Variants in CRIM1 observed in about 807,000 individuals in gnomAD.
CRIM1 encodes the protein cysteine-rich motor neuron 1 protein.
A neutral mutation model predicts 116.4 loss-of-function variants in CRIM1; 32 were observed. The ratio of observed to expected loss-of-function variants is 0.27; its 90% CI spans 0.21 to 0.37. The LOEUF is 0.37. Ranked by LOEUF, CRIM1 falls within the 10% of genes least tolerant of loss-of-function variation. CRIM1 has a pLI of 1.00. For synonymous variants in CRIM1, 590 were observed against 509.2 expected, an observed-to-expected ratio of 1.16 and a Z score of -2.13; for missense variants, 1,331 against 1,354.8, an observed-to-expected ratio of 0.98 and a Z score of 0.28.
At chr2:36,401,807 A>C (rs1672424882) in intron 2 of CRIM1, among the ~76,000 whole-genome samples, 1 of 152,242 alleles carries the variant, frequency 6.6e-6, no homozygotes, top group Non-Finnish European at 1.5e-5. Flanking sequence ...CACCCTGGAA[A>C]TCATTCATCT....
At chr2:36,394,842 G>A (rs1020139099) in intron 1 of CRIM1, among the ~76,000 whole-genome samples, 95 of 152,040 alleles carry the variant, frequency 6.2e-4, no homozygotes, top group African/African-American at 2.2e-3. Flanking sequence ...TCAAAGGACC[G>A]CCCTGAAGCT....
chr2:36,484,078 C>T (rs1679630037), intron 7 of CRIM1, among the ~76,000 whole-genome samples: 1 of 152,226 alleles, frequency 6.6e-6, no homozygotes, highest in Non-Finnish European at 1.5e-5. Context: ...TGGGCTCCAT[C>T]CCTGTGTCAG....
chr2:36,492,379 A>C (rs1680289782), intron 7 of CRIM1, among the ~76,000 whole-genome samples: 1 of 152,180 alleles, frequency 6.6e-6, no homozygotes, highest in Non-Finnish European at 1.5e-5. Flanking sequence ...ACCGTAAGAG[A>C]CTTTTTTCCA....
Position 36,544,471 on chromosome 2 carries a change from GA to G in CRIM1, c.2723del (p.Asn908MetfsTer15). ...GGTTCCCCTGTGGCCCACGCCTAGT[GA>G]AAATGATATCGTCCATCTCCCTAGA... Reference protein sequence around the residue: ...LEVPLWPTPSENDIVHLPRDM... With the variant: ...LEVPLWPTPSXNDIVHLPRDM... On this transcript the variant is annotated frameshift_variant, in exon 15 of 17. Transcript: ENST00000280527. LOFTEE classifies it high-confidence loss of function. The G allele has an allele frequency of 7.2e-7, 1 of 1,388,510 alleles. No individual in the cohort carries two copies. The highest frequency in any genetic ancestry group is 9.4e-7 in the Non-Finnish European group (1 of 1,065,246). The allele number at this position is 1,388,510 out of a possible 1,614,324, so 86.0% of individuals were successfully genotyped here. A position where few individuals can be genotyped will look rare whatever the true frequency, so the allele number is the denominator to read the frequency against.
intron 12 of CRIM1, among the ~76,000 whole-genome samples, chr2:36,521,646 T>G (rs1665400296): frequency 6.6e-6 from 1 of 152,172 alleles, no homozygotes. Flanking sequence ...GCAGAACATA[T>G]CTACCCTTCT....
chr2:36,526,743 T>C (rs1454600631), intron 13 of CRIM1, among the ~76,000 whole-genome samples: 1 of 152,188 alleles, frequency 6.6e-6, no homozygotes, highest in Non-Finnish European at 1.5e-5. Flanking sequence ...CCTCCCTGTG[T>C]CCAGGGGTCA....
At chr2:36,410,332 C>T (rs1673111743) in intron 2 of CRIM1, among the ~76,000 whole-genome samples, 1 of 151,896 alleles carries the variant, frequency 6.6e-6, no homozygotes. Context: ...CTTTCTTTTC[C>T]TGTTCCAATA....
At chr2:36,476,451 G>A (rs1418808391) in intron 5 of CRIM1, among the ~76,000 whole-genome samples, 2 of 152,024 alleles carry the variant, frequency 1.3e-5, no homozygotes, top group Non-Finnish European at 2.9e-5. Flanking sequence ...GAGCACTGGG[G>A]GAACAGAACA....
chr2:36,452,320 A>G (rs1676795858), intron 4 of CRIM1, among the ~76,000 whole-genome samples: 1 of 152,180 alleles, frequency 6.6e-6, no homozygotes, highest in Non-Finnish European at 1.5e-5. Flanking sequence ...TTATGGTAGC[A>G]TTCTCTCTGT....
At chr2:36,376,384 A>G (rs534342918) in intron 1 of CRIM1, among the ~76,000 whole-genome samples, 2 of 152,324 alleles carry the variant, frequency 1.3e-5, no homozygotes, top group South Asian at 4.1e-4. Context: ...GTTGAGGAGA[A>G]TGTTTAAACA....
At chr2:36,390,156 G>A (rs1390986567) in intron 1 of CRIM1, among the ~76,000 whole-genome samples, 1 of 152,026 alleles carries the variant, frequency 6.6e-6, no homozygotes, top group Non-Finnish European at 1.5e-5. Context: ...AAGACTGAAT[G>A]TAGCTATTGG....
At chr2:36,418,976 C>T (rs1171011247) in intron 2 of CRIM1, among the ~76,000 whole-genome samples, 1 of 151,396 alleles carries the variant, frequency 6.6e-6, no homozygotes, top group East Asian at 1.9e-4. Context: ...TCCTCTTCTC[C>T]TCCCACTGCC....
chr2:36,390,237 A>G (rs1671470629), intron 1 of CRIM1, among the ~76,000 whole-genome samples: 1 of 152,372 alleles, frequency 6.6e-6, no homozygotes, highest in South Asian at 2.1e-4. Context: ...AAACCTACTC[A>G]TATTCTGCAA....
At chr2:36,382,752 C>A (rs538347404) in intron 1 of CRIM1, among the ~76,000 whole-genome samples, 1 of 152,184 alleles carries the variant, frequency 6.6e-6, no homozygotes, top group Non-Finnish European at 1.5e-5. Flanking sequence ...TGAGAACTTA[C>A]CAGTCTTCCA....
chr2:36,396,798 A>G lies in CRIM1; in HGVS notation c.505+11A>G, dbSNP rs1227846051. 2 of 1,600,602 alleles carry G rather than the reference A, an allele frequency of 1.2e-6. No individual in the cohort carries two copies. The highest frequency in any genetic ancestry group is 1.7e-6 in the Non-Finnish European group (2 of 1,169,450). On this transcript the variant is annotated intron_variant, in intron 2 of 16. Transcript: ENST00000280527. ...TAAAGAGAATTGAAGGTAAGCATTA[A>G]TTTTTGTTAACCATCCAGTCGTAAG...
chr2:36,442,241 T>C (rs1347933294), intron 3 of CRIM1, among the ~76,000 whole-genome samples: 1 of 152,080 alleles, frequency 6.6e-6, no homozygotes, highest in Non-Finnish European at 1.5e-5. Flanking sequence ...TTCTTTTTCT[T>C]TCTTTCTTTT....
chr2:36,414,187 A>G (rs778079416), intron 2 of CRIM1, among the ~76,000 whole-genome samples: 1 of 152,192 alleles, frequency 6.6e-6, no homozygotes, highest in Non-Finnish European at 1.5e-5. Flanking sequence ...ATTGTGGGCC[A>G]TTTGTCTGGT....
chr2:36,404,948 C>G (rs74598032), intron 2 of CRIM1, among the ~76,000 whole-genome samples: 1 of 151,954 alleles, frequency 6.6e-6, no homozygotes, highest in East Asian at 1.9e-4. Flanking sequence ...ATTTCACTTC[C>G]TTTTTTTCTT....
In CRIM1 at chr2:36,479,614, G is replaced by T; in HGVS notation, c.1292G>T (p.Arg431Leu). ...CTFCQCVNGERHCVATVCGQT... is the reference protein window; with the variant it reads ...CTFCQCVNGELHCVATVCGQT... ...TTCTGCCAGTGCGTCAACGGTGAAC[G>T]CCACTGCGTTGCGACCGTCTGCGGA... The change falls in exon 7 of 17, where the codon CGC becomes CTC. Residue 431 changes from arginine (R) to leucine (L), a missense_variant. Arg to Leu is a moderately radical substitution (Grantham distance 102). Transcript: ENST00000280527. 6.2e-7 allele frequency: 1 copy of T among 1,614,218 alleles called. No homozygotes were observed. Among genetic ancestry groups the T allele is most frequent in the Non-Finnish European group, 8.5e-7 (1 of 1,180,036 alleles).
Sources: gnomAD v4.1 joint callset for allele counts (sites outside exome capture counted in the v4.1 genomes callset) on GRCh38, gnomAD v4.1.1 for gene constraint, MANE v1.5 for transcripts, NCBI Gene and HGNC (gene_info 2026-07-23, HGNC 2026-07-21) for gene names.